Variants in XYLT1 observed in about 807,000 individuals in gnomAD.
XYLT1 encodes beta-D-xylosyltransferase 1.
A neutral mutation model predicts 91.3 loss-of-function variants in XYLT1; 36 were observed. The observed-to-expected ratio is 0.39, with a 90% CI of 0.30 to 0.52. XYLT1 has a LOEUF of 0.52. Ranked by LOEUF, XYLT1 falls within the 20% of genes least tolerant of loss-of-function variation. XYLT1 has a pLI of 0.68. For synonymous variants in XYLT1, 588 were observed against 532.0 expected, an observed-to-expected ratio of 1.11 and a Z score of -1.45; for missense variants, 1,242 against 1,284.5, an observed-to-expected ratio of 0.97 and a Z score of 0.51.
At position 17,450,092 on chromosome 16, in the gene XYLT1, C is replaced by T. The variant is rs191055462; in HGVS notation, c.363+20342G>A. 3.3e-3 allele frequency among the ~76,000 whole-genome samples: 498 copies of T among 152,214 alleles called. 2 individuals are homozygous for T. Among genetic ancestry groups the T allele is most frequent in the Non-Finnish European group, 5.3e-3 (360 of 68,012 alleles). On this transcript the variant is annotated intron_variant, in intron 1 of 11. Transcript: ENST00000261381. ...GGTGGCTCACACCTGTAATCCAGCA[C>T]TTTGGGAGGTGGAGGCAGGCAGATC...
At chr16:17,429,011 A>C (rs6498708) in intron 1 of XYLT1, among the ~76,000 whole-genome samples, 11,212 of 152,210 alleles carry the variant, frequency 0.074, 568 homozygotes, top group African/African-American at 0.13. Flanking sequence ...CCAACTGCTC[A>C]AAAGACTCAG....
chr16:17,314,803 C>T (rs1268703661), intron 2 of XYLT1, among the ~76,000 whole-genome samples: 1 of 152,212 alleles, frequency 6.6e-6, no homozygotes, highest in East Asian at 1.9e-4. Flanking sequence ...AAAAGGGATG[C>T]TTTGTATTAT....
intron 5 of XYLT1, among the ~76,000 whole-genome samples, chr16:17,175,944 G>A (rs986266432): frequency 3.3e-5 from 5 of 152,058 alleles, no homozygotes; most frequent in Non-Finnish European, 7.4e-5. Flanking sequence ...ATCTGAAAAC[G>A]TCTCTAGGTG....
At chr16:17,111,861 T>G (rs990458403) in intron 11 of XYLT1, among the ~76,000 whole-genome samples, 1 of 152,186 alleles carries the variant, frequency 6.6e-6, no homozygotes, top group Non-Finnish European at 1.5e-5. Flanking sequence ...GGAGCCACAG[T>G]GTTTGGAAGT....
Position 17,232,234 on chromosome 16 carries a change from T to G in XYLT1, c.913+26754A>C, listed in dbSNP as rs899704945. Among the ~76,000 whole-genome samples, 63 of 98,682 alleles carry G rather than the reference T, an allele frequency of 6.4e-4. No individual in the cohort carries two copies. The South Asian group carries it at 0.011, about 18-fold the overall frequency. 64.7% of individuals were successfully genotyped at this position (98,682 alleles called of 152,430 possible). ...ATTATATATACACCTTCATATTTGA[T>G]TATATGTAATATATTATATATAATT... is the stretch of plus-strand genomic sequence containing the variant. On this transcript the variant is annotated intron_variant, in intron 3 of 11. Coordinates refer to ENST00000261381, the MANE Select transcript of XYLT1 (RefSeq NM_022166.4).
At chr16:17,147,836 G>A (rs2031175097) in intron 6 of XYLT1, among the ~76,000 whole-genome samples, 1 of 152,224 alleles carries the variant, frequency 6.6e-6, no homozygotes, top group African/African-American at 2.4e-5. Flanking sequence ...GAACACCTGA[G>A]TGACTTTTTA....
intron 2 of XYLT1, among the ~76,000 whole-genome samples, chr16:17,274,287 G>C (rs2141777067): frequency 6.6e-6 from 1 of 152,218 alleles, no homozygotes; most frequent in South Asian, 2.1e-4. Context: ...ATCTTTTTTA[G>C]AGTTGTGGGT....
intron 1 of XYLT1, among the ~76,000 whole-genome samples, chr16:17,384,216 CA>C (rs2035719603): frequency 1.3e-5 from 2 of 151,704 alleles, no homozygotes; most frequent in African/African-American, 4.8e-5. Flanking sequence ...GCCCTGGGCC[CA>C]AAGGATCAGA....
intron 3 of XYLT1, chr16:17,227,852 T>C (rs958996560): frequency 7.9e-5 from 12 of 152,174 alleles, no homozygotes; most frequent in Non-Finnish European, 1.3e-4. Flanking sequence ...ATACAAGGTA[T>C]TTAGGACCTA....
chr16:17,305,028 C>A (rs2034450657), intron 2 of XYLT1, among the ~76,000 whole-genome samples: 1 of 152,184 alleles, frequency 6.6e-6, no homozygotes, highest in Non-Finnish European at 1.5e-5. Flanking sequence ...CCACTCAGTG[C>A]CGCAGGGTGC....
chr16:17,123,708 A>C (rs759984070), intron 10 of XYLT1, among the ~76,000 whole-genome samples: 13 of 152,182 alleles, frequency 8.5e-5, no homozygotes, highest in Admixed American at 2.0e-4. Flanking sequence ...AGGGTATAGC[A>C]TAAGTCCATT....
intron 5 of XYLT1, among the ~76,000 whole-genome samples, chr16:17,169,885 AG>A (rs1336022058): frequency 1.3e-5 from 2 of 152,340 alleles, no homozygotes; most frequent in African/African-American, 4.8e-5. Flanking sequence ...TCCACTTCAG[AG>A]GGCATCGAAA....
At chr16:17,171,776 C>T (rs1022941113) in intron 5 of XYLT1, among the ~76,000 whole-genome samples, 1 of 152,212 alleles carries the variant, frequency 6.6e-6, no homozygotes, top group Admixed American at 6.5e-5. Context: ...GTAGAGGTTT[C>T]CTTACTGAGG....
intron 1 of XYLT1, among the ~76,000 whole-genome samples, chr16:17,362,269 TA>T (rs1199860100): frequency 3.9e-5 from 6 of 152,190 alleles, no homozygotes; most frequent in African/African-American, 1.4e-4. Flanking sequence ...CTGTCTTTTT[TA>T]AAAAGGTAGC....
chr16:17,242,180 A>G (rs903684503), intron 3 of XYLT1, among the ~76,000 whole-genome samples: 1 of 152,236 alleles, frequency 6.6e-6, no homozygotes, highest in African/African-American at 2.4e-5. Context: ...GTGGGGACAC[A>G]GCCAAACCAT....
chr16:17,114,333 C>A (rs1287325494), intron 11 of XYLT1, among the ~76,000 whole-genome samples: 3 of 152,178 alleles, frequency 2.0e-5, no homozygotes, highest in African/African-American at 7.2e-5. Flanking sequence ...TCCAAAGGCC[C>A]AGACTTGTGA....
chr16:17,103,128 G>C lies in XYLT1; in HGVS notation c.*5567C>G, dbSNP rs1966728870. ...ATTCCTTTGAGAACACTACCCATCT[G>C]CTGGGAATATTTAGTGCTATCACTT... On this transcript the variant is annotated 3_prime_UTR_variant, in exon 12 of 12. Coordinates refer to ENST00000261381, the MANE Select transcript of XYLT1 (RefSeq NM_022166.4). 6.6e-6 allele frequency: 1 copy of C among 152,590 alleles called. No homozygotes were observed. 9.5% of individuals were successfully genotyped at this position (152,590 alleles called of 1,614,324 possible). A position where few individuals can be genotyped will look rare whatever the true frequency, so the allele number is the denominator to read the frequency against.
At chr16:17,448,718 AGAGGGGGAAGGGGAG>A (rs2036626086) in intron 1 of XYLT1, among the ~76,000 whole-genome samples, 1 of 87,060 alleles carries the variant, frequency 1.1e-5, no homozygotes, top group Non-Finnish European at 2.3e-5. Context: ...GGGAGGAGGA[AGAGGGGGAAGGGGAG>A]GAGGGTGGAG....
chr16:17,439,744 C>T (rs1459825938), intron 1 of XYLT1, among the ~76,000 whole-genome samples: 1 of 152,170 alleles, frequency 6.6e-6, no homozygotes, highest in African/African-American at 2.4e-5. Flanking sequence ...TAACAACAAA[C>T]CGAGACTTCC....
Sources: gnomAD v4.1 joint callset for allele counts (sites outside exome capture counted in the v4.1 genomes callset) on GRCh38, gnomAD v4.1.1 for gene constraint, MANE v1.5 for transcripts, NCBI Gene and HGNC (gene_info 2026-07-23, HGNC 2026-07-21) for gene names.